CACNA2D3: variants seen among roughly 807,000 people sequenced by gnomAD.
CACNA2D3 encodes calcium voltage-gated channel auxiliary subunit alpha2delta 3.
Under a neutral mutation model 160.6 loss-of-function variants are expected in CACNA2D3, and 60 were observed. That is an observed-to-expected ratio of 0.37 (90% CI 0.30 to 0.46). The LOEUF (loss-of-function observed/expected upper bound fraction) is 0.46, where lower values mean the gene tolerates loss of function less well. Among genes scored for constraint, CACNA2D3 ranks in the 20% least tolerant of loss-of-function variants. CACNA2D3 has a pLI of 1.00. For missense variants in CACNA2D3, 1,205 were observed against 1,365.0 expected, an observed-to-expected ratio of 0.88 and a Z score of 1.85; for synonymous variants, 558 against 492.9, an observed-to-expected ratio of 1.13 and a Z score of -1.75.
intron 4 of CACNA2D3, among the ~76,000 whole-genome samples, chr3:54,447,779 C>A (rs529036973): frequency 6.6e-6 from 1 of 152,188 alleles, no homozygotes; most frequent in African/African-American, 2.4e-5. Flanking sequence ...CTTGTCTTGA[C>A]GTGTATTGCT....
intron 12 of CACNA2D3, among the ~76,000 whole-genome samples, chr3:54,754,706 CT>C (rs1424522925): frequency 3.9e-5 from 6 of 152,150 alleles, no homozygotes; most frequent in Admixed American, 3.9e-4. Flanking sequence ...GTTCAGTGGT[CT>C]GCTTTAAATG....
At chr3:54,236,874 A>T (rs1701888577) in intron 2 of CACNA2D3, among the ~76,000 whole-genome samples, 1 of 152,258 alleles carries the variant, frequency 6.6e-6, no homozygotes, top group Non-Finnish European at 1.5e-5. Context: ...GATAACATGA[A>T]TATCGTAGTA....
rs117782732 is a variant in CACNA2D3 at position 54,978,297 on chromosome 3, G to A, written c.2557-6311G>A. Among the ~76,000 whole-genome samples the A allele has an allele frequency of 1.5e-3, 221 of 152,178 alleles. 2 individuals carry two copies. The East Asian group carries it at 0.03, about 21-fold the overall frequency. On this transcript the variant is annotated intron_variant, in intron 29 of 37. Transcript: ENST00000474759. ...TTCAAACACCTCTAACATTTCCCCC[G>A]TCCCTTTTATAAGAAAACCCTTAAT...
chr3:54,216,765 G>T (rs78005645), intron 2 of CACNA2D3, among the ~76,000 whole-genome samples: 2,838 of 152,238 alleles, frequency 0.019, 122 homozygotes, highest in East Asian at 0.14. Context: ...TGTAAGACGG[G>T]ACTCCTCAGC....
rs1701246551 is a variant in CACNA2D3, at chr3:54,499,007, T to A, written c.382-4485T>A. ...CATAGTATGTGGATTTCAGTCATTT[T>A]AAATGTATTGAGACTTGTTTGATGG... On this transcript the variant is annotated intron_variant, in intron 4 of 37. Coordinates refer to ENST00000474759, the MANE Select transcript of CACNA2D3 (RefSeq NM_018398.3). Among the ~76,000 whole-genome samples, 5 of 152,110 alleles carry A rather than the reference T, an allele frequency of 3.3e-5. No homozygotes were observed. The South Asian group carries it at 1.0e-3, about 31-fold the overall frequency.
At chr3:54,192,475 C>T (rs1476793993) in intron 2 of CACNA2D3, among the ~76,000 whole-genome samples, 1 of 152,164 alleles carries the variant, frequency 6.6e-6, no homozygotes, top group Non-Finnish European at 1.5e-5. Flanking sequence ...CAAACAGACC[C>T]TTGGGTTATT....
intron 31 of CACNA2D3, 63 bp downstream of exon 31, chr3:54,987,816 C>G: frequency 7.9e-7 from 1 of 1,268,786 alleles, no homozygotes; most frequent in Non-Finnish European, 1.1e-6. Context: ...TAAAACAAGC[C>G]AAGGTCAAAT....
intron 4 of CACNA2D3, among the ~76,000 whole-genome samples, chr3:54,426,528 A>G (rs989256884): frequency 6.6e-6 from 1 of 152,218 alleles, no homozygotes; most frequent in Non-Finnish European, 1.5e-5. Flanking sequence ...ATTAATTATG[A>G]TGCACCTCCC....
At chr3:54,355,191 G>T (rs1315493514) in intron 3 of CACNA2D3, among the ~76,000 whole-genome samples, 4 of 152,206 alleles carry the variant, frequency 2.6e-5, no homozygotes, top group African/African-American at 9.7e-5. Flanking sequence ...GATCTGTATG[G>T]CCTGAAGGAT....
rs374095663 is a variant in CACNA2D3 at position 54,887,944 on chromosome 3, T to C, written c.2057-15T>C. Reference sequence around the variant, plus strand: ...AGCCCTGCTGAAGCATCCTCTTGTCTGTCCCTCCCAACAGGTGATAAAGAA... The same window carrying C: ...AGCCCTGCTGAAGCATCCTCTTGTCCGTCCCTCCCAACAGGTGATAAAGAA... On this transcript the variant is annotated splice_polypyrimidine_tract_variant and intron_variant, in intron 23 of 37. Transcript: ENST00000474759. 6.2e-6 allele frequency: 10 copies of C among 1,608,348 alleles called. No homozygotes were observed. The African/African-American group carries it at 1.3e-4, about 21-fold the overall frequency.
At chr3:54,553,391 G>A (rs1702191027) in intron 5 of CACNA2D3, among the ~76,000 whole-genome samples, 1 of 152,164 alleles carries the variant, frequency 6.6e-6, no homozygotes, top group African/African-American at 2.4e-5. Context: ...CGGCACAGAA[G>A]AAAACTCCTG....
Position 54,899,828 on chromosome 3 carries a change from C to G in CACNA2D3, c.2409C>G (p.Ser803=), listed in dbSNP as rs758537194. 18 of 1,608,478 alleles carry G rather than the reference C, an allele frequency of 1.1e-5. No individual in the cohort carries two copies. In the South Asian group the frequency reaches 1.8e-4, roughly 16 times the overall value. Residue 803 remains serine, a synonymous_variant, in exon 27 of 38, where the codon TCC becomes TCG. Transcript: ENST00000474759. ...NKSNVVTAST[S]IQLLDERKSP... ...GCAATGTGGTGACAGCAAGTACATC[C>G]ATCCAGCTCCTGGATGAACGGAAAT...
At chr3:54,637,805 G>C (rs1699411579) in intron 10 of CACNA2D3, 1 of 152,060 alleles carries the variant, frequency 6.6e-6, no homozygotes, top group African/African-American at 2.4e-5. Context: ...CAGAGTTCCA[G>C]GAGCTCTGGG....
At chr3:55,071,382 G>A (rs375636990) in intron 35 of CACNA2D3, among the ~76,000 whole-genome samples, 2 of 151,812 alleles carry the variant, frequency 1.3e-5, no homozygotes, top group South Asian at 2.1e-4. Context: ...GTCTGTAGGG[G>A]GTGTTTAATT....
intron 27 of CACNA2D3, among the ~76,000 whole-genome samples, chr3:54,928,393 C>T (rs1017487045): frequency 7.9e-5 from 12 of 152,132 alleles, no homozygotes; most frequent in Admixed American, 5.9e-4. Flanking sequence ...TTAACCATGC[C>T]GGGTCACCCC....
intron 13 of CACNA2D3, among the ~76,000 whole-genome samples, chr3:54,798,036 C>A (rs1235663766): frequency 2.0e-5 from 3 of 152,152 alleles, no homozygotes; most frequent in African/African-American, 7.2e-5. Flanking sequence ...CTTTGAAAAT[C>A]CCGTGAAAAG....
intron 13 of CACNA2D3, among the ~76,000 whole-genome samples, chr3:54,800,379 C>T (rs994684916): frequency 6.6e-6 from 1 of 152,242 alleles, no homozygotes; most frequent in Non-Finnish European, 1.5e-5. Flanking sequence ...TCACAGAGAA[C>T]TGGCAGAACC....
At chr3:54,471,668 A>G (rs1352301266) in intron 4 of CACNA2D3, among the ~76,000 whole-genome samples, 1 of 152,186 alleles carries the variant, frequency 6.6e-6, no homozygotes, top group African/African-American at 2.4e-5. Flanking sequence ...ACTAATAAAT[A>G]AGAAAAGAGA....
chr3:54,412,335 T>G (rs1699680081), intron 4 of CACNA2D3, among the ~76,000 whole-genome samples: 1 of 152,046 alleles, frequency 6.6e-6, no homozygotes. Flanking sequence ...CCTGTGGTAT[T>G]AAAGTCTTCA....
Sources: allele counts gnomAD v4.1 joint callset (sites outside exome capture counted in the v4.1 genomes callset), GRCh38; gene constraint gnomAD v4.1.1; transcripts MANE v1.5; gene names NCBI Gene and HGNC (gene_info 2026-07-23, HGNC 2026-07-21).